Variants in WNT7A observed in about 807,000 individuals in gnomAD.
WNT7A encodes the protein Wnt family member 7A, also known as protein Wnt-7a.
WNT7A carries 16 observed loss-of-function variants against 28.2 expected under a neutral mutation model. That is an observed-to-expected ratio of 0.57 (90% confidence interval 0.38 to 0.86). The LOEUF is 0.86. Among genes scored for constraint, WNT7A ranks in the 40% least tolerant of loss-of-function variants. The probability of loss-of-function intolerance (pLI) is 0.00; values close to 1 mark genes in which losing one functional copy is unlikely to be tolerated. For missense variants in WNT7A, 411 were observed against 489.7 expected, an observed-to-expected ratio of 0.84 and a Z score of 1.52; for synonymous variants, 190 against 195.9, an observed-to-expected ratio of 0.97 and a Z score of 0.25.
At chr3:13,876,861 A>T (rs1695118457) in intron 1 of WNT7A, 1 of 151,544 alleles carries the variant, frequency 6.6e-6, no homozygotes, top group South Asian at 2.1e-4. Flanking sequence ...TCCCCTCCCT[A>T]CCCCTAATAA....
chr3:13,819,062 C>T lies in WNT7A; in HGVS notation c.932G>A (p.Arg311His), dbSNP rs776330990. Reference sequence around the variant, plus strand: ...GGCGTACTGGTGGGTGTTGTAGCCACGCCCACAGCACATGAGGTCACAGCC... The same window carrying T: ...GGCGTACTGGTGGGTGTTGTAGCCATGCCCACAGCACATGAGGTCACAGCC... Reference protein sequence around the residue: ...ASGCDLMCCGRGYNTHQYARV... With the variant: ...ASGCDLMCCGHGYNTHQYARV... The change falls in exon 4 of 4, where the codon CGT becomes CAT. Residue 311 changes from arginine to histidine, a missense_variant. Coordinates refer to ENST00000285018, the MANE Select transcript of WNT7A (RefSeq NM_004625.4). The T allele has an allele frequency of 1.2e-6, 2 of 1,613,964 alleles. No homozygotes were observed. The highest frequency in any genetic ancestry group is 1.1e-5 in the South Asian group (1 of 91,078).
intron 2 of WNT7A, among the ~76,000 whole-genome samples, chr3:13,856,896 G>GAAGAAGAAGAAGAAGAAGAAGAAGAAA (rs1559303204): frequency 8.9e-4 from 30 of 33,616 alleles, no homozygotes; most frequent in African/African-American, 2.5e-3. Flanking sequence ...AGAAGAAAAA[G>GAAGAAGAAGAAGAAGAAGAAGAAGAAA]AAGAAGAAGA....
At chr3:13,843,312 T>C (rs1255728371) in intron 3 of WNT7A, among the ~76,000 whole-genome samples, 1 of 152,152 alleles carries the variant, frequency 6.6e-6, no homozygotes, top group Non-Finnish European at 1.5e-5. Flanking sequence ...CCTGAGAGCG[T>C]AGGACGAGGC....
chr3:13,842,837 C>G (rs916353179), intron 3 of WNT7A, among the ~76,000 whole-genome samples: 2 of 152,124 alleles, frequency 1.3e-5, no homozygotes, highest in East Asian at 3.9e-4. Flanking sequence ...ATGCACAGGA[C>G]TTGTGTTCGG....
At position 13,848,624 on chromosome 3, in the gene WNT7A, A is replaced by G. The variant is rs141437271; in HGVS notation, c.570+5908T>C. On this transcript the variant is annotated intron_variant, in intron 3 of 3. Coordinates refer to ENST00000285018, the MANE Select transcript of WNT7A (RefSeq NM_004625.4). ...TGTGGAGCAACTGTACCACTCACAC[A>G]TTGCTAGTGGGAATATAAAATGACA... 5.7e-3 allele frequency among the ~76,000 whole-genome samples: 861 copies of G among 152,348 alleles called. 5 individuals are homozygous for G. Among genetic ancestry groups the G allele is most frequent in the African/African-American group, 0.016 (667 of 41,582 alleles).
rs1272023523 is a variant in WNT7A at position 13,817,003 on chromosome 3, GC to G, written c.*1940del. 6.6e-6 allele frequency: 1 copy of G among 152,194 alleles called. No individual in the cohort carries two copies. 9.4% of individuals were successfully genotyped at this position (152,194 alleles called of 1,614,324 possible). A position where few individuals can be genotyped will look rare whatever the true frequency, so the allele number is the denominator to read the frequency against. ...TGCAACCATCCAGTCACTTTTATTT[GC>G]CCATGCTGTGATCCAGGCTCAGTGT... On this transcript the variant is annotated 3_prime_UTR_variant, in exon 4 of 4. Transcript: ENST00000285018.
intron 3 of WNT7A, 36 bp from the exon 4 acceptor site, chr3:13,819,459 C>A: frequency 6.2e-7 from 1 of 1,602,482 alleles, no homozygotes; most frequent in South Asian, 1.1e-5. Context: ...CAGCACAGGT[C>A]ACTGCACGCC....
At chr3:13,835,305 G>A (rs1426209208) in intron 3 of WNT7A, among the ~76,000 whole-genome samples, 5 of 152,362 alleles carry the variant, frequency 3.3e-5, no homozygotes, top group Non-Finnish European at 1.5e-5. Flanking sequence ...GTCCTGCGAT[G>A]CAGGAAGAAG....
chr3:13,834,047 C>T (rs971444686), intron 3 of WNT7A, among the ~76,000 whole-genome samples: 3 of 152,178 alleles, frequency 2.0e-5, no homozygotes, highest in Non-Finnish European at 2.9e-5. Context: ...CCAATGGTGG[C>T]CCTGAAGGAA....
At chr3:13,871,705 C>A (rs561376539) in intron 2 of WNT7A, among the ~76,000 whole-genome samples, 1 of 152,206 alleles carries the variant, frequency 6.6e-6, no homozygotes, top group South Asian at 2.1e-4. Context: ...GGCTGAGCCA[C>A]CATCACCTCC....
At chr3:13,829,534 C>A (rs536913105) in intron 3 of WNT7A, among the ~76,000 whole-genome samples, 1 of 152,298 alleles carries the variant, frequency 6.6e-6, no homozygotes, top group East Asian at 1.9e-4. Flanking sequence ...GCTAGAAGGG[C>A]AGGGCAGGGA....
At chr3:13,868,702 AAG>A (rs1274905705) in intron 2 of WNT7A, among the ~76,000 whole-genome samples, 2 of 100,536 alleles carry the variant, frequency 2.0e-5, no homozygotes, top group African/African-American at 9.2e-5. Flanking sequence ...GAAAGAAAGA[AAG>A]AAAGAAAGAA....
At chr3:13,848,338 A>T (rs1034674126) in intron 3 of WNT7A, among the ~76,000 whole-genome samples, 32 of 152,236 alleles carry the variant, frequency 2.1e-4, no homozygotes, top group African/African-American at 7.5e-4. Flanking sequence ...CTGACCAAAT[A>T]CTGGCTGCTA....
chr3:13,825,972 G>T (rs1694188112), intron 3 of WNT7A, among the ~76,000 whole-genome samples: 2 of 152,220 alleles, frequency 1.3e-5, no homozygotes, highest in African/African-American at 4.8e-5. Context: ...CATTCACCTT[G>T]AAATCCCCCG....
At chr3:13,846,633 C>T (rs1694542052) in intron 3 of WNT7A, among the ~76,000 whole-genome samples, 1 of 152,166 alleles carries the variant, frequency 6.6e-6, no homozygotes, top group African/African-American at 2.4e-5. Flanking sequence ...CCTGTACCAC[C>T]TGCTTTGATA....
intron 3 of WNT7A, among the ~76,000 whole-genome samples, chr3:13,849,526 C>T (rs185224158): frequency 5.3e-5 from 8 of 152,302 alleles, no homozygotes; most frequent in East Asian, 1.9e-4. Context: ...TGAGCACTTA[C>T]GATGCGCCAG....
chr3:13,878,457 T>C (rs1026787606), intron 1 of WNT7A, among the ~76,000 whole-genome samples: 2 of 151,974 alleles, frequency 1.3e-5, no homozygotes, highest in Non-Finnish European at 2.9e-5. Context: ...GGCGAATCAA[T>C]AACACTTAAA....
chr3:13,823,998 A>G (rs115240918), intron 3 of WNT7A, among the ~76,000 whole-genome samples: 2,668 of 152,298 alleles, frequency 0.018, 71 homozygotes, highest in African/African-American at 0.061. Flanking sequence ...ACCACTCCCC[A>G]GTGTAGCCAG....
At chr3:13,854,002 C>T (rs34322765) in intron 3 of WNT7A, among the ~76,000 whole-genome samples, 3,351 of 152,228 alleles carry the variant, frequency 0.022, 84 homozygotes, top group East Asian at 0.099. Flanking sequence ...CAGGAGCTCC[C>T]AGCCATGAGA....
Sources: allele counts gnomAD v4.1 joint callset (sites outside exome capture counted in the v4.1 genomes callset), GRCh38; gene constraint gnomAD v4.1.1; transcripts MANE v1.5; gene names NCBI Gene and HGNC (gene_info 2026-07-23, HGNC 2026-07-21).